The following DIAPH2 variants were observed in gnomAD, a reference collection of about 807,000 sequenced individuals.
DIAPH2 encodes protein diaphanous homolog 2.
DIAPH2 carries 35 observed loss-of-function variants against 92.7 expected under a neutral mutation model. The ratio of observed to expected loss-of-function variants is 0.38; its 90% confidence interval spans 0.29 to 0.50. The LOEUF is 0.50. Ranked by LOEUF, DIAPH2 falls within the 20% of genes least tolerant of loss-of-function variation. The probability of loss-of-function intolerance (pLI) is 0.94; values close to 1 mark genes in which losing one functional copy is unlikely to be tolerated. For missense variants in DIAPH2, 701 were observed against 819.5 expected (o/e 0.86, Z 1.77); for synonymous variants, 301 against 280.4 (o/e 1.07, Z -0.73).
chrX:97,384,276 C>G (rs766229005), intron 25 of DIAPH2, among the ~76,000 whole-genome samples: 2 of 111,588 alleles, frequency 1.8e-5, no homozygotes, highest in African/African-American at 6.5e-5. Flanking sequence ...GTTTTTCTCC[C>G]TACTTTTCTT....
intron 1 of DIAPH2, among the ~76,000 whole-genome samples, chrX:96,692,571 T>C (rs17003770): frequency 0.041 from 4,635 of 111,924 alleles, 246 homozygotes; most frequent in African/African-American, 0.14. Context: ...TGTAGAAGTA[T>C]CTGGAAAGGT....
chrX:97,040,468 C>G (rs1284594648), intron 17 of DIAPH2, among the ~76,000 whole-genome samples: 1 of 110,830 alleles, frequency 9.0e-6, no homozygotes, highest in Non-Finnish European at 1.9e-5. Flanking sequence ...ATTGAATATA[C>G]TTTGAATTTC....
intron 17 of DIAPH2, among the ~76,000 whole-genome samples, chrX:96,997,414 T>G (rs753752735): frequency 9.0e-6 from 1 of 111,482 alleles, no homozygotes; most frequent in Non-Finnish European, 1.9e-5. Flanking sequence ...TTGGATGGTA[T>G]GTACAGCATC....
chrX:97,567,947 T>G (rs1307731383), intron 26 of DIAPH2, among the ~76,000 whole-genome samples: 1 of 108,205 alleles, frequency 9.2e-6, no homozygotes. Flanking sequence ...AAACCCCATC[T>G]CTACTAAAAA....
intron 13 of DIAPH2, among the ~76,000 whole-genome samples, chrX:96,943,620 A>G (rs775994824): frequency 9.1e-6 from 1 of 109,686 alleles, no homozygotes; most frequent in Non-Finnish European, 1.9e-5. Flanking sequence ...TATTAATCTT[A>G]AACATGGAGT....
chrX:97,373,603 CTTTTT>C (rs769067046), intron 24 of DIAPH2, among the ~76,000 whole-genome samples: 1 of 71,581 alleles, frequency 1.4e-5, no homozygotes, highest in Non-Finnish European at 2.7e-5. Flanking sequence ...AAGGGAGATA[CTTTTT>C]TTTTTTTTTT....
chrX:97,292,650 G>A (rs886258143), intron 23 of DIAPH2, among the ~76,000 whole-genome samples: 2 of 107,967 alleles, frequency 1.9e-5, no homozygotes, highest in African/African-American at 3.4e-5. Context: ...GGGTTCAAGC[G>A]ATTCCCCTGC....
chrX:96,884,435 G>A (rs1284398168), intron 5 of DIAPH2: 4 of 1,211,090 alleles, frequency 3.3e-6, no homozygotes, highest in Non-Finnish European at 4.5e-6. Flanking sequence ...CCTAAGGTCC[G>A]AATTCAGGAC....
chrX:96,939,920 C>T lies in DIAPH2; in HGVS notation c.1325+538C>T, dbSNP rs1045497511. On this transcript the variant is annotated intron_variant, in intron 12 of 26. Transcript: ENST00000324765. Reference sequence around the variant, plus strand: ...CCTCGTGATCCGCCCGTCTCGGCCTCCCAAAGTGCTGGGATTACAGGCGTG... The same window carrying T: ...CCTCGTGATCCGCCCGTCTCGGCCTTCCAAAGTGCTGGGATTACAGGCGTG... Among the ~76,000 whole-genome samples the T allele has an allele frequency of 5.9e-5, 5 of 84,944 alleles. 1 individual carries two copies. Among genetic ancestry groups the T allele is most frequent in the Non-Finnish European group, 1.1e-4 (5 of 45,686 alleles). The allele number at this position is 84,944 out of a possible 115,157, so 73.8% of individuals were successfully genotyped here. A position where few individuals can be genotyped will look rare whatever the true frequency, so the allele number is the denominator to read the frequency against.
chrX:96,875,565 G>A (rs1014705749), intron 4 of DIAPH2, among the ~76,000 whole-genome samples: 38 of 110,655 alleles, frequency 3.4e-4, no homozygotes, highest in African/African-American at 1.1e-3. Context: ...TATAATTTGC[G>A]GTATATTCTC....
intron 17 of DIAPH2, among the ~76,000 whole-genome samples, chrX:97,008,878 GGCA>G (rs1700897891): frequency 9.0e-6 from 1 of 111,385 alleles, no homozygotes; most frequent in Non-Finnish European, 1.9e-5. Context: ...CAGACCTGAA[GGCA>G]GCAGAACACT....
chrX:97,417,217 C>G (rs988131349), intron 25 of DIAPH2, among the ~76,000 whole-genome samples: 1 of 111,313 alleles, frequency 9.0e-6, no homozygotes, highest in African/African-American at 3.3e-5. Context: ...TATACATGCC[C>G]TTTTTCAAAC....
intron 17 of DIAPH2, among the ~76,000 whole-genome samples, chrX:97,057,482 G>A (rs2066565112): frequency 9.0e-6 from 1 of 111,447 alleles, no homozygotes; most frequent in Non-Finnish European, 1.9e-5. Flanking sequence ...TGTCGTATTG[G>A]CAGGCCACCT....
chrX:96,741,391 A>G (rs919832694), intron 3 of DIAPH2, among the ~76,000 whole-genome samples: 4 of 108,411 alleles, frequency 3.7e-5, no homozygotes, highest in African/African-American at 1.3e-4. Flanking sequence ...CCATCCCACC[A>G]TTCTATCAAA....
intron 26 of DIAPH2, among the ~76,000 whole-genome samples, chrX:97,589,482 C>CA (rs1299410043): frequency 9.1e-6 from 1 of 110,108 alleles, no homozygotes; most frequent in Non-Finnish European, 1.9e-5. Context: ...TTCACCTTAT[C>CA]ATATGGACCT....
At chrX:97,596,029 G>A (rs1277323691) in intron 26 of DIAPH2, among the ~76,000 whole-genome samples, 1 of 111,849 alleles carries the variant, frequency 8.9e-6, no homozygotes, top group Non-Finnish European at 1.9e-5. Flanking sequence ...CCTTCACATG[G>A]GGCACATTTC....
At position 96,965,212 on chromosome X, in the gene DIAPH2, A is replaced by G. The variant is rs772713125; in HGVS notation, c.2050+5A>G. 1.1e-5 allele frequency: 13 copies of G among 1,133,511 alleles called. No homozygotes were observed. The allele number at this position is 1,133,511 out of a possible 1,213,427, so 93.4% of individuals were successfully genotyped here. A position where few individuals can be genotyped will look rare whatever the true frequency, so the allele number is the denominator to read the frequency against. ...ATTTTGCTACTCAGATAAAAGGTACATTTTTAAAAATAAAATATAAGTTCC... is the reference window on the plus strand; with the variant it reads ...ATTTTGCTACTCAGATAAAAGGTACGTTTTTAAAAATAAAATATAAGTTCC... On this transcript the variant is annotated splice_donor_5th_base_variant and intron_variant, in intron 17 of 26. Transcript: ENST00000324765.
At chrX:97,292,570 C>T (rs1284838980) in intron 23 of DIAPH2, among the ~76,000 whole-genome samples, 8 of 98,804 alleles carry the variant, frequency 8.1e-5, no homozygotes, top group South Asian at 5.0e-4. Context: ...TTTTTTGAGA[C>T]GGAGTCTCAC....
intron 26 of DIAPH2, among the ~76,000 whole-genome samples, chrX:97,455,171 T>C (rs1201865505): frequency 8.9e-6 from 1 of 112,314 alleles, no homozygotes; most frequent in African/African-American, 3.2e-5. Context: ...CAACTCACTG[T>C]GTGAGGTTTC....
Sources: allele counts gnomAD v4.1 joint callset (sites outside exome capture counted in the v4.1 genomes callset), GRCh38; gene constraint gnomAD v4.1.1; transcripts MANE v1.5; gene names NCBI Gene and HGNC (gene_info 2026-07-23, HGNC 2026-07-21).